Variants in LTBP1 observed in about 807,000 individuals in gnomAD.
LTBP1 encodes latent transforming growth factor beta binding protein 1.
In LTBP1, 129 loss-of-function variants were observed where a neutral mutation model predicts 207.6. The ratio of observed to expected loss-of-function variants is 0.62; its 90% CI spans 0.54 to 0.72. LTBP1 has a LOEUF of 0.72. Among genes scored for constraint, LTBP1 ranks in the 30% least tolerant of loss-of-function variants. The probability of loss-of-function intolerance (pLI) is 0.00; values close to 1 mark genes in which losing one functional copy is unlikely to be tolerated. For synonymous variants in LTBP1, 963 were observed against 833.7 expected, an observed-to-expected ratio of 1.16 and a Z score of -2.67; for missense variants, 2,281 against 2,217.2, an observed-to-expected ratio of 1.03 and a Z score of -0.58.
chr2:33,285,035 C>CTTTTTTT (rs934497674), intron 19 of LTBP1, among the ~76,000 whole-genome samples: 11 of 120,124 alleles, frequency 9.2e-5, no homozygotes, highest in Non-Finnish European at 1.7e-4. Flanking sequence ...GTATCACATT[C>CTTTTTTT]TTTTTTTTTT....
At chr2:33,035,168 A>G (rs2075862671) in intron 3 of LTBP1, among the ~76,000 whole-genome samples, 1 of 152,230 alleles carries the variant, frequency 6.6e-6, no homozygotes, top group Non-Finnish European at 1.5e-5. Context: ...CACGTTGCTA[A>G]TGGAGAAAAT....
chr2:33,389,261 A>C lies in LTBP1; in HGVS notation c.4789A>C (p.Ser1597Arg). 1.2e-6 allele frequency: 2 copies of C among 1,614,226 alleles called. No individual in the cohort carries two copies. Among genetic ancestry groups the C allele is most frequent in the Non-Finnish European group, 1.7e-6 (2 of 1,180,046 alleles). The change falls in exon 32 of 34, where the codon AGT (serine) becomes CGT (arginine). Residue 1597 changes from serine to arginine, a missense_variant. Transcript: ENST00000404816. ...PYGRDALVDF[S>R]EQYTPEADPY... ...TGGACGGGACGCCTTGGTTGACTTC[A>C]GTGAACAGTATACTCCAGAAGCCGA...
At chr2:32,993,463 CTAT>C (rs2148881491) in intron 2 of LTBP1, among the ~76,000 whole-genome samples, 1 of 152,286 alleles carries the variant, frequency 6.6e-6, no homozygotes, top group South Asian at 2.1e-4. Context: ...CAAACACCAT[CTAT>C]TATTTGGTCC....
intron 17 of LTBP1, 126 bp downstream of exon 17, chr2:33,275,216 C>G: frequency 9.0e-7 from 1 of 1,117,282 alleles, no homozygotes; most frequent in Non-Finnish European, 1.3e-6. Flanking sequence ...ATCATGACAG[C>G]AGTCTGCTAG....
At chr2:33,347,680 T>C (rs1453105573) in intron 26 of LTBP1, among the ~76,000 whole-genome samples, 170 bp downstream of exon 26, 2 of 152,192 alleles carry the variant, frequency 1.3e-5, no homozygotes, top group Non-Finnish European at 2.9e-5. Context: ...GTCAGTGGAA[T>C]TAAGATGTGG....
chr2:33,019,414 T>G (rs967273309), intron 2 of LTBP1, among the ~76,000 whole-genome samples: 4 of 149,472 alleles, frequency 2.7e-5, no homozygotes, highest in Non-Finnish European at 3.0e-5. Flanking sequence ...CGGCTCACTG[T>G]AACCTCTGTC....
chr2:33,155,227 G>C (rs1479186512), intron 5 of LTBP1, among the ~76,000 whole-genome samples: 1 of 152,036 alleles, frequency 6.6e-6, no homozygotes. Context: ...CACCATGCCT[G>C]GCTAATTTTT....
chr2:32,948,364 G>A (rs1035808255), intron 1 of LTBP1, among the ~76,000 whole-genome samples: 11 of 152,142 alleles, frequency 7.2e-5, no homozygotes, highest in African/African-American at 2.7e-4. Flanking sequence ...AAAAGTTTTG[G>A]TTGGAATGTT....
At chr2:33,149,163 C>T (rs1352119272) in intron 5 of LTBP1, among the ~76,000 whole-genome samples, 2 of 142,548 alleles carry the variant, frequency 1.4e-5, no homozygotes, top group Admixed American at 7.6e-5. Flanking sequence ...TGCAGTGAGC[C>T]GAGATCGTGC....
At chr2:33,287,875 A>C (rs1442402746) in intron 19 of LTBP1, among the ~76,000 whole-genome samples, 1 of 152,212 alleles carries the variant, frequency 6.6e-6, no homozygotes, top group Non-Finnish European at 1.5e-5. Flanking sequence ...GTTTCATCAC[A>C]CTGGCTGGAC....
At chr2:33,084,371 A>AACC (rs1445634079) in intron 3 of LTBP1, among the ~76,000 whole-genome samples, 1 of 152,158 alleles carries the variant, frequency 6.6e-6, no homozygotes, top group African/African-American at 2.4e-5. Context: ...CATGAAGCAG[A>AACC]CAGGGTTCTG....
At chr2:33,258,453 C>CT (rs1217969965) in intron 12 of LTBP1, among the ~76,000 whole-genome samples, 1 of 152,000 alleles carries the variant, frequency 6.6e-6, no homozygotes, top group Non-Finnish European at 1.5e-5. Context: ...GTGAGGCAGG[C>CT]TTTTTTTCTG....
intron 19 of LTBP1, among the ~76,000 whole-genome samples, chr2:33,288,697 T>TACA (rs1215061234): frequency 6.6e-6 from 1 of 151,514 alleles, no homozygotes; most frequent in East Asian, 1.9e-4. Flanking sequence ...CTATTAAAAA[T>TACA]ACAAAAAATT....
chr2:33,217,544 C>T lies in LTBP1; in HGVS notation c.1702-8C>T, dbSNP rs1386343128. 5 of 1,601,602 alleles carry T rather than the reference C, an allele frequency of 3.1e-6. No homozygotes were observed. In the African/African-American group the frequency reaches 6.7e-5, roughly 21 times the overall value. On this transcript the variant is annotated splice_polypyrimidine_tract_variant and splice_region_variant and intron_variant, in intron 7 of 33. Coordinates refer to ENST00000404816, the MANE Select transcript of LTBP1 (RefSeq NM_206943.4). Reference sequence around the variant, plus strand: ...TTAACCTTCATATTTCACACCTAATCATTGCAGTGTGGCAAAGCGCTCCCT... The same window carrying T: ...TTAACCTTCATATTTCACACCTAATTATTGCAGTGTGGCAAAGCGCTCCCT...
rs867178622 is a variant in LTBP1, at chr2:32,959,601, A to G, written c.565+10656A>G. Among the ~76,000 whole-genome samples, 256 of 43,356 alleles carry G rather than the reference A, an allele frequency of 5.9e-3. 3 individuals carry two copies. Among genetic ancestry groups the G allele is most frequent in the African/African-American group, 7.1e-3 (100 of 14,070 alleles). 28.4% of individuals were successfully genotyped at this position (43,356 alleles called of 152,430 possible). A position where few individuals can be genotyped will look rare whatever the true frequency, so the allele number is the denominator to read the frequency against. On this transcript the variant is annotated intron_variant, in intron 2 of 33. Transcript: ENST00000404816. ...TATATGTATATATATGTACGTGTATATATATATATATATATATATATTTTT... is the reference window on the plus strand; with the variant it reads ...TATATGTATATATATGTACGTGTATGTATATATATATATATATATATTTTT...
chr2:33,293,995 C>CTTTTTTTTT lies in LTBP1; in HGVS notation c.3235+733_3235+741dup, dbSNP rs71409607. Among the ~76,000 whole-genome samples, 16 of 48,834 alleles carry CTTTTTTTTT rather than the reference C, an allele frequency of 3.3e-4. 5 individuals carry two copies. Among genetic ancestry groups the CTTTTTTTTT allele is most frequent in the African/African-American group, 1.2e-3 (14 of 11,540 alleles). The allele number at this position is 48,834 out of a possible 152,430, so 32.0% of individuals were successfully genotyped here. A position where few individuals can be genotyped will look rare whatever the true frequency, so the allele number is the denominator to read the frequency against. On this transcript the variant is annotated intron_variant, in intron 20 of 33. Transcript: ENST00000404816. ...ATTAGTGAACAAAACTGGTACAGGT[C>CTTTTTTTTT]TTTTTTTTTTTTTTTTTTTTTTTTT...
chr2:33,165,742 T>G (rs114374227), intron 5 of LTBP1, among the ~76,000 whole-genome samples: 80 of 152,342 alleles, frequency 5.3e-4, no homozygotes, highest in Non-Finnish European at 1.0e-3. Context: ...CGGAGTCTCT[T>G]TCTTAATGAA....
At chr2:33,110,812 G>A in intron 4 of LTBP1, 61 bp downstream of exon 4, 3 of 1,531,148 alleles carry the variant, frequency 2.0e-6, no homozygotes, top group Non-Finnish European at 1.8e-6. Context: ...GAAACACTTT[G>A]TTCAGTGTAG....
At chr2:33,382,376 T>C (rs1210354186) in intron 31 of LTBP1, among the ~76,000 whole-genome samples, 1 of 152,152 alleles carries the variant, frequency 6.6e-6, no homozygotes, top group Non-Finnish European at 1.5e-5. Flanking sequence ...ATTATAGGCG[T>C]GAGCCACGGT....
Sources: gnomAD v4.1 joint callset for allele counts (sites outside exome capture counted in the v4.1 genomes callset) on GRCh38, gnomAD v4.1.1 for gene constraint, MANE v1.5 for transcripts, NCBI Gene and HGNC (gene_info 2026-07-23, HGNC 2026-07-21) for gene names.